The following SYT8 variants were observed in gnomAD, a reference collection of about 807,000 sequenced individuals.
The protein encoded by SYT8 is synaptotagmin 8.
A neutral mutation model predicts 34.9 loss-of-function variants in SYT8; 50 were observed. That is an observed-to-expected ratio of 1.43 (90% CI 1.14 to 1.81). SYT8 has a LOEUF of 1.81. Among genes scored for constraint, SYT8 ranks in the 40% most tolerant of loss-of-function variants. The probability of loss-of-function intolerance (pLI) is 0.00; values close to 1 mark genes in which losing one functional copy is unlikely to be tolerated. For missense variants in SYT8, 595 were observed against 529.0 expected (o/e 1.12, Z -1.22); for synonymous variants, 255 against 234.2 (o/e 1.09, Z -0.81).
chr11:1,835,267 A>G, intron 1 of SYT8, 29 bp from the exon 2 acceptor site: 1 of 1,602,780 alleles, frequency 6.2e-7, no homozygotes, highest in Non-Finnish European at 8.5e-7. Flanking sequence ...AGCTGTCCAC[A>G]GATGCACTCA....
chr11:1,833,500 G>A (rs974087329), upstream of SYT8, among the ~76,000 whole-genome samples: 6 of 152,202 alleles, frequency 3.9e-5, no homozygotes, highest in African/African-American at 1.2e-4. Flanking sequence ...CCTGACCTCC[G>A]CATCTCCTTT....
upstream of SYT8, among the ~76,000 whole-genome samples, chr11:1,832,724 C>T (rs1474089504): frequency 6.6e-6 from 1 of 152,154 alleles, no homozygotes; most frequent in African/African-American, 2.4e-5. Flanking sequence ...CATCGGCAGC[C>T]AGCGCCCCCA....
upstream of SYT8, among the ~76,000 whole-genome samples, chr11:1,832,929 G>GCACGCA (rs1031934832): frequency 3.3e-5 from 5 of 152,172 alleles, no homozygotes; most frequent in East Asian, 1.9e-4. Flanking sequence ...GGGGAGGGGC[G>GCACGCA]CACGCACACG....
Position 1,836,955 on chromosome 11 carries a change from A to C in SYT8, c.791-2A>C, listed in dbSNP as rs1448933528. 11 of 1,613,436 alleles carry C rather than the reference A, an allele frequency of 6.8e-6. No individual in the cohort carries two copies. The highest frequency in any genetic ancestry group is 9.3e-6 in the Non-Finnish European group (11 of 1,179,982). On this transcript the variant is annotated splice_acceptor_variant, in intron 6 of 7. Transcript: ENST00000341958. LOFTEE classifies it high-confidence loss of function. ...GCCCCTTCGGCAACCTTGCCCTCCC[A>C]GAGCCCTACGTGAAGGTCCAGCTCA...
At chr11:1,834,650 G>A (rs951617317), upstream of SYT8, 2 of 1,562,322 alleles carry the variant, frequency 1.3e-6, no homozygotes, top group South Asian at 1.2e-5. The surrounding 1 kb of genome is among the most constrained non-coding windows in gnomAD (Gnocchi z 4.5). Flanking sequence ...GGAAGTGATG[G>A]GACCGCAGAG....
At chr11:1,837,118 C>CGA in intron 7 of SYT8, 28 bp downstream of exon 7, 1 of 1,611,082 alleles carries the variant, frequency 6.2e-7, no homozygotes, top group Non-Finnish European at 8.5e-7. Context: ...AGGGGCAGAG[C>CGA]GAGACCCAGT....
upstream of SYT8, chr11:1,833,834 G>GTGTGTT (rs1216330029): frequency 1.2e-4 from 17 of 142,074 alleles, no homozygotes; most frequent in Admixed American, 1.3e-3. Flanking sequence ...GTGTGTGTGT[G>GTGTGTT]TGTGTGTGTG....
In SYT8 at chr11:1,837,237, C is replaced by T. The variant is rs201041721; in HGVS notation, c.970C>T (p.Arg324Ter). The change falls in exon 8 of 8, where the codon CGA becomes TGA. Residue 324 changes from arginine (R) to a stop codon, truncating the protein, a stop_gained. Coordinates refer to ENST00000341958, the MANE Select transcript of SYT8 (RefSeq NM_001394072.1). LOFTEE classifies it low-confidence loss of function (END_TRUNC). ...LAVWDRSLPLRTEPVGKVHLG... is the reference protein window; with the variant it reads ...LAVWDRSLPL ...TGTCTGGGACCGCAGCCTGCCGCTC[C>T]GAACTGAGCCCGTAGGCAAGGTGCA... 8.2e-5 allele frequency: 130 copies of T among 1,577,658 alleles called. No individual in the cohort carries two copies. The Admixed American group carries it at 1.4e-3, about 16-fold the overall frequency.
chr11:1,837,431 A>C lies in SYT8; in HGVS notation c.1164A>C (p.Ter388CysextTer10). 1 of 1,605,532 alleles carries C rather than the reference A, an allele frequency of 6.2e-7. No homozygotes were observed. The highest frequency in any genetic ancestry group is 1.1e-5 in the South Asian group (1 of 91,004). ...LRLRLPLPHS[*>C] ...TGCGCCTGCCCTTGCCCCACTCCTG[A>C]ATGCACCACATGCCTCTGTCTCCCC... is the stretch of plus-strand genomic sequence containing the variant. Residue 388 changes from the stop codon to cysteine (C), a stop_lost, in exon 8 of 8, where the codon TGA becomes TGC. Coordinates refer to ENST00000341958, the MANE Select transcript of SYT8 (RefSeq NM_001394072.1).
At chr11:1,834,211 G>A, upstream of SYT8, 1 of 388,028 alleles carries the variant, frequency 2.6e-6, no homozygotes, top group Non-Finnish European at 4.7e-6. This position sits in a 1 kb window ranked among gnomAD's most constrained non-coding sequence, Gnocchi z 4.5. Context: ...ACAGGAGCCA[G>A]CCCAGCCAGG....
At chr11:1,833,626 C>T (rs925683376), upstream of SYT8, among the ~76,000 whole-genome samples, 13 of 152,188 alleles carry the variant, frequency 8.5e-5, no homozygotes, top group African/African-American at 4.8e-5. Flanking sequence ...TCGGTCCACT[C>T]GTCTGTAAAA....
upstream of SYT8, chr11:1,833,910 C>T (rs1013541533): frequency 6.5e-6 from 1 of 154,274 alleles, no homozygotes; most frequent in African/African-American, 2.4e-5. Flanking sequence ...TTGCTCTGCC[C>T]CAGACTGGGG....
chr11:1,835,577 C>A, intron 2 of SYT8, 118 bp downstream of exon 2: 1 of 1,198,168 alleles, frequency 8.3e-7, no homozygotes, highest in Non-Finnish European at 1.2e-6. Flanking sequence ...AGAGGCAGGG[C>A]GTTGAGGACC....
upstream of SYT8, chr11:1,831,896 G>A: frequency 2.5e-6 from 1 of 395,524 alleles, no homozygotes. Context: ...GTGGGCGTCA[G>A]GTGAGAGCAT....
chr11:1,835,347 T>C lies in SYT8; in HGVS notation c.146T>C (p.Val49Ala). The C allele has an allele frequency of 2.5e-6, 4 of 1,604,892 alleles. No homozygotes were observed. Among genetic ancestry groups the C allele is most frequent in the Non-Finnish European group, 3.4e-6 (4 of 1,177,226 alleles). Residue 49 changes from valine (V) to alanine (A), a missense_variant, in exon 2 of 8, where the codon GTC becomes GCC. Transcript: ENST00000341958. ...AGALAAGVLL[V>A]SCLLCAACCC... is the part of the protein sequence containing the mutation. ...GCCCTTGCCGCGGGCGTCCTCCTCG[T>C]CTCCTGCCTCCTCTGTGCTGCCTGC... is the stretch of plus-strand genomic sequence containing the variant.
chr11:1,832,469 G>A (rs1010920742), upstream of SYT8, among the ~76,000 whole-genome samples: 2 of 152,196 alleles, frequency 1.3e-5, no homozygotes, highest in Non-Finnish European at 2.9e-5. Context: ...GCTAGACAAC[G>A]GGGAGAGCAG....
rs1343619746 is a variant in SYT8 at position 1,835,466 on chromosome 11, A to G, written c.258+7A>G. The stretch of plus-strand genomic sequence containing the variant: ...CACCACCACCACCCACCTGGTGAGG[A>G]GCGGCTCCTTGCTCACTCAGTCCAG... On this transcript the variant is annotated splice_region_variant and intron_variant, in intron 2 of 7. Transcript: ENST00000341958. The G allele has an allele frequency of 1.2e-6, 2 of 1,608,770 alleles. No individual in the cohort carries two copies. Among genetic ancestry groups the G allele is most frequent in the African/African-American group, 2.7e-5 (2 of 74,906 alleles).
intron 2 of SYT8, 195 bp downstream of exon 2, chr11:1,835,654 G>T: frequency 1.3e-6 from 1 of 748,434 alleles, no homozygotes. Context: ...TGCCCCATGG[G>T]CCCGAGGGAG....
intron 6 of SYT8, 47 bp from the exon 7 acceptor site, chr11:1,836,910 T>C: frequency 6.2e-7 from 1 of 1,612,806 alleles, no homozygotes; most frequent in Non-Finnish European, 8.5e-7. Context: ...GGGCCCGTGC[T>C]CAGCCCCGAG....
Sources: gnomAD v4.1 joint callset for allele counts (sites outside exome capture counted in the v4.1 genomes callset) on GRCh38, gnomAD v4.1.1 for gene constraint, Gnocchi (gnomAD v3.1) non-coding constraint, MANE v1.5 for transcripts, NCBI Gene and HGNC (gene_info 2026-07-23, HGNC 2026-07-21) for gene names.